Variants in LDAH observed in about 807,000 individuals in gnomAD.
LDAH encodes lipid droplet associated hydrolase.
Under a neutral mutation model 29.6 loss-of-function variants are expected in LDAH, and 26 were observed. The ratio of observed to expected loss-of-function variants is 0.88; its 90% confidence interval spans 0.64 to 1.22. LDAH has a LOEUF of 1.22. Among genes scored for constraint, LDAH ranks in the 50% most tolerant of loss-of-function variants. LDAH has a pLI of 0.00. For synonymous variants in LDAH, 117 were observed against 133.0 expected, an observed-to-expected ratio of 0.88 and a Z score of 0.83; for missense variants, 344 against 387.3, an observed-to-expected ratio of 0.89 and a Z score of 0.94.
intron 4 of LDAH, among the ~76,000 whole-genome samples, chr2:20,760,530 A>G (rs1303453362): frequency 1.3e-5 from 2 of 152,214 alleles, no homozygotes; most frequent in Non-Finnish European, 2.9e-5. Context: ...GTCTCATCTG[A>G]GGCTTGACTG....
rs1014203660 is a variant in LDAH, at chr2:20,684,874, C to T, written c.*2029G>A. 3 of 1,547,306 alleles carry T rather than the reference C, an allele frequency of 1.9e-6. No individual in the cohort carries two copies. Among genetic ancestry groups the T allele is most frequent in the African/African-American group, 1.4e-5 (1 of 72,898 alleles). On this transcript the variant is annotated 3_prime_UTR_variant, in exon 7 of 7. Transcript: ENST00000237822. ...CACTGTTTGTCCATTTTAGTCTAATCCCTAATGAAACAGAATGAACTTCAG... is the reference window on the plus strand; with the variant it reads ...CACTGTTTGTCCATTTTAGTCTAATTCCTAATGAAACAGAATGAACTTCAG...
chr2:20,692,099 A>C (rs1310528769), intron 6 of LDAH, among the ~76,000 whole-genome samples: 1 of 152,104 alleles, frequency 6.6e-6, no homozygotes, highest in Non-Finnish European at 1.5e-5. Context: ...ACCAAAAATG[A>C]CTCTGATTCC....
At chr2:20,787,598 CTTTT>C in intron 3 of LDAH, among the ~76,000 whole-genome samples, 1 of 152,246 alleles carries the variant, frequency 6.6e-6, no homozygotes, top group East Asian at 1.9e-4. Context: ...TTAGCCTCAG[CTTTT>C]TTCTTATTGC....
At chr2:20,710,574 A>G (rs1260995485) in intron 5 of LDAH, among the ~76,000 whole-genome samples, 2 of 143,038 alleles carry the variant, frequency 1.4e-5, no homozygotes, top group African/African-American at 5.2e-5. Flanking sequence ...CCCGGACTAT[A>G]TATATATAGG....
At chr2:20,789,447 A>T in intron 3 of LDAH, 1 of 1,431,206 alleles carries the variant, frequency 7.0e-7, no homozygotes, top group Non-Finnish European at 9.2e-7. Flanking sequence ...CATTTTTAAA[A>T]GCTACTTAGT....
chr2:20,808,666 A>AC (rs1672257333), intron 1 of LDAH, among the ~76,000 whole-genome samples: 1 of 152,100 alleles, frequency 6.6e-6, no homozygotes, highest in African/African-American at 2.4e-5. Context: ...TCAAAAAAAA[A>AC]AAAAAAAAGA....
intron 4 of LDAH, among the ~76,000 whole-genome samples, chr2:20,760,296 G>A (rs1668594392): frequency 2.0e-5 from 3 of 152,186 alleles, no homozygotes; most frequent in African/African-American, 7.2e-5. Context: ...TGGTCTTAGA[G>A]GTGGGTTTTC....
At chr2:20,750,279 G>C (rs1179480431) in intron 4 of LDAH, among the ~76,000 whole-genome samples, 2 of 152,134 alleles carry the variant, frequency 1.3e-5, no homozygotes, top group African/African-American at 4.8e-5. Flanking sequence ...ACCTGCCTCA[G>C]CCTCCCAAAG....
chr2:20,821,216 C>A (rs1038089454), intron 1 of LDAH, among the ~76,000 whole-genome samples: 1 of 152,208 alleles, frequency 6.6e-6, no homozygotes, highest in Non-Finnish European at 1.5e-5. Flanking sequence ...GGCGATTCCT[C>A]AGGGATCTAG....
At chr2:20,723,695 G>A (rs770886525) in intron 5 of LDAH, among the ~76,000 whole-genome samples, 27 of 151,942 alleles carry the variant, frequency 1.8e-4, no homozygotes, top group Admixed American at 7.9e-4. Flanking sequence ...ACAACATAGT[G>A]GTCAGAAATA....
At chr2:20,688,726 A>G (rs1662755130) in intron 6 of LDAH, among the ~76,000 whole-genome samples, 1 of 152,174 alleles carries the variant, frequency 6.6e-6, no homozygotes, top group African/African-American at 2.4e-5. Flanking sequence ...AGTTAAAAAC[A>G]CTTTATAGAG....
At chr2:20,800,035 G>T (rs1352541049) in intron 2 of LDAH, among the ~76,000 whole-genome samples, 1 of 152,214 alleles carries the variant, frequency 6.6e-6, no homozygotes, top group Non-Finnish European at 1.5e-5. Flanking sequence ...ATAAATGGTT[G>T]TGGACCATGT....
At chr2:20,710,876 A>G (rs1664705841) in intron 5 of LDAH, among the ~76,000 whole-genome samples, 1 of 151,922 alleles carries the variant, frequency 6.6e-6, no homozygotes, top group African/African-American at 2.4e-5. Context: ...CCCTGTGAAT[A>G]TGACATATTA....
At chr2:20,779,995 T>G (rs767479668) in intron 3 of LDAH, among the ~76,000 whole-genome samples, 1 of 152,130 alleles carries the variant, frequency 6.6e-6, no homozygotes, top group Non-Finnish European at 1.5e-5. Context: ...ACTTCATCGA[T>G]CCATAAGGCC....
intron 2 of LDAH, among the ~76,000 whole-genome samples, chr2:20,799,031 C>T (rs544179567): frequency 5.2e-4 from 79 of 151,996 alleles, no homozygotes; most frequent in East Asian, 1.4e-3. Flanking sequence ...GTTCGACACA[C>T]GCCTGGCCAA....
intron 2 of LDAH, among the ~76,000 whole-genome samples, chr2:20,799,424 G>A (rs1235612174): frequency 1.3e-5 from 2 of 152,030 alleles, no homozygotes; most frequent in Admixed American, 6.6e-5. Context: ...TGTATAGAAC[G>A]TGTAATGATC....
At chr2:20,778,758 C>T (rs1669983495) in intron 3 of LDAH, among the ~76,000 whole-genome samples, 1 of 152,054 alleles carries the variant, frequency 6.6e-6, no homozygotes, top group African/African-American at 2.4e-5. Flanking sequence ...AGGGTAACGG[C>T]CCTTTGATTC....
At chr2:20,822,141 T>C (rs1416746262) in intron 1 of LDAH, among the ~76,000 whole-genome samples, 1 of 151,936 alleles carries the variant, frequency 6.6e-6, no homozygotes, top group Admixed American at 6.6e-5. Context: ...TTTTTTTTTT[T>C]TGAGACTGAG....
intron 5 of LDAH, among the ~76,000 whole-genome samples, chr2:20,721,690 T>A (rs921896792): frequency 6.6e-6 from 1 of 152,264 alleles, no homozygotes; most frequent in Middle Eastern, 3.4e-3. Flanking sequence ...CTGTTGGGAA[T>A]GTAAAGTAGT....
Sources: gnomAD v4.1 joint callset for allele counts (sites outside exome capture counted in the v4.1 genomes callset) on GRCh38, gnomAD v4.1.1 for gene constraint, MANE v1.5 for transcripts, NCBI Gene and HGNC (gene_info 2026-07-23, HGNC 2026-07-21) for gene names.